ANO3: variants seen among roughly 807,000 people sequenced by gnomAD.
ANO3 encodes anoctamin-3.
In ANO3, 99 loss-of-function variants were observed where a neutral mutation model predicts 144.8. The observed-to-expected ratio is 0.68, with a 90% confidence interval of 0.58 to 0.81. The LOEUF (loss-of-function observed/expected upper bound fraction) is 0.81. Among genes scored for constraint, ANO3 ranks in the 30% least tolerant of loss-of-function variants. The probability of loss-of-function intolerance (pLI) is 0.00; values close to 1 mark genes in which losing one functional copy is unlikely to be tolerated. For synonymous variants in ANO3, 414 were observed against 392.6 expected, an observed-to-expected ratio of 1.05 and a Z score of -0.64; for missense variants, 905 against 1,202.2, an observed-to-expected ratio of 0.75 and a Z score of 3.66.
At chr11:26,366,284 G>C (rs1856081826) in intron 1 of ANO3, among the ~76,000 whole-genome samples, 1 of 152,010 alleles carries the variant, frequency 6.6e-6, no homozygotes, top group African/African-American at 2.4e-5. Context: ...TGAGAATGAT[G>C]GTTTCTGGCT....
chr11:26,496,055 G>C (rs1860924974), intron 4 of ANO3, among the ~76,000 whole-genome samples: 1 of 152,148 alleles, frequency 6.6e-6, no homozygotes, highest in African/African-American at 2.4e-5. Flanking sequence ...CTTTGACCAA[G>C]GTAATGAATA....
intron 14 of ANO3, among the ~76,000 whole-genome samples, chr11:26,583,038 T>C (rs1030147543): frequency 2.0e-5 from 3 of 152,318 alleles, no homozygotes; most frequent in Non-Finnish European, 2.9e-5. Flanking sequence ...AGCAATTCAA[T>C]TGAGAGTATT....
At chr11:26,381,861 G>A (rs940809742) in intron 1 of ANO3, among the ~76,000 whole-genome samples, 1 of 151,940 alleles carries the variant, frequency 6.6e-6, no homozygotes, top group Non-Finnish European at 1.5e-5. Context: ...GCAAAGAATT[G>A]GTATTTTATT....
At chr11:26,507,052 G>A (rs80168757) in intron 4 of ANO3, among the ~76,000 whole-genome samples, 5,474 of 152,254 alleles carry the variant, frequency 0.036, 162 homozygotes, top group Admixed American at 0.082. Flanking sequence ...GGAAAGTGGC[G>A]AAAGAAGGAT....
At chr11:26,189,670 C>A (rs1006282932) in intron 1 of ANO3, among the ~76,000 whole-genome samples, 1 of 152,136 alleles carries the variant, frequency 6.6e-6, no homozygotes, top group African/African-American at 2.4e-5. Context: ...GAATCTTAAC[C>A]ATAAACTGCA....
At chr11:26,538,692 G>A (rs887123156) in intron 10 of ANO3, among the ~76,000 whole-genome samples, 3 of 151,980 alleles carry the variant, frequency 2.0e-5, no homozygotes, top group African/African-American at 7.3e-5. Flanking sequence ...GTGAAATTTG[G>A]GACTTATTAT....
intron 1 of ANO3, among the ~76,000 whole-genome samples, chr11:26,272,928 T>G (rs1853474140): frequency 6.6e-6 from 1 of 152,214 alleles, no homozygotes; most frequent in African/African-American, 2.4e-5. Context: ...TCAGGGTACA[T>G]GCTCGATACT....
intron 14 of ANO3, chr11:26,565,675 T>C (rs746072941): frequency 1.9e-6 from 3 of 1,613,298 alleles, no homozygotes; most frequent in Admixed American, 1.7e-5. Context: ...GAGGTGGTTA[T>C]ATTTTCTTTA....
chr11:26,325,801 A>G (rs1260980066), intron 1 of ANO3, among the ~76,000 whole-genome samples: 1 of 152,204 alleles, frequency 6.6e-6, no homozygotes, highest in Non-Finnish European at 1.5e-5. Flanking sequence ...CATAAAGATT[A>G]TATTTCTGAA....
At chr11:26,567,135 A>G in intron 14 of ANO3, 1 of 1,422,088 alleles carries the variant, frequency 7.0e-7, no homozygotes, top group South Asian at 1.7e-5. Flanking sequence ...GGCTAGTAAC[A>G]GAAGCTGGAA....
chr11:26,630,850 A>G (rs1192531037), intron 18 of ANO3, among the ~76,000 whole-genome samples: 1 of 152,172 alleles, frequency 6.6e-6, no homozygotes, highest in East Asian at 1.9e-4. Flanking sequence ...AAGTTGAATT[A>G]CTTTAATTAT....
chr11:26,340,264 A>G (rs1199526097), intron 1 of ANO3, among the ~76,000 whole-genome samples: 1 of 152,214 alleles, frequency 6.6e-6, no homozygotes, highest in Non-Finnish European at 1.5e-5. Context: ...CCAACCTAAT[A>G]TATTTTATAT....
intron 1 of ANO3, among the ~76,000 whole-genome samples, chr11:26,388,387 T>C (rs985654253): frequency 6.6e-6 from 1 of 152,116 alleles, no homozygotes; most frequent in South Asian, 2.1e-4. Flanking sequence ...GTATGCTTAC[T>C]GTCTTGGCTT....
intron 1 of ANO3, among the ~76,000 whole-genome samples, chr11:26,212,751 A>G (rs1292202967): frequency 6.6e-6 from 1 of 152,108 alleles, no homozygotes; most frequent in Non-Finnish European, 1.5e-5. Context: ...TCTAAACAAT[A>G]GAAAAAGAGG....
At chr11:26,638,029 A>T (rs1373474345) in intron 20 of ANO3, among the ~76,000 whole-genome samples, 1 of 152,066 alleles carries the variant, frequency 6.6e-6, no homozygotes, top group East Asian at 1.9e-4. Context: ...TTGAAAATCT[A>T]AAAAAGCAGA....
intron 14 of ANO3, among the ~76,000 whole-genome samples, chr11:26,584,123 C>G (rs1001043346): frequency 2.0e-5 from 3 of 150,658 alleles, no homozygotes; most frequent in African/African-American, 7.4e-5. Context: ...GAAGGGGCTT[C>G]CCTGGTGAGA....
chr11:26,566,648 G>A (rs1173893972), intron 14 of ANO3, among the ~76,000 whole-genome samples: 1 of 151,788 alleles, frequency 6.6e-6, no homozygotes, highest in Non-Finnish European at 1.5e-5. Flanking sequence ...TATGGTTGGG[G>A]TGTGTGTGGG....
chr11:26,427,234 A>G (rs1341601220), intron 1 of ANO3: 1 of 178,808 alleles, frequency 5.6e-6, no homozygotes, highest in Admixed American at 5.5e-5. Flanking sequence ...TCAGCATGAA[A>G]TTGGAAATCC....
At chr11:26,209,561 A>T (rs1470911969) in intron 1 of ANO3, among the ~76,000 whole-genome samples, 2 of 149,378 alleles carry the variant, frequency 1.3e-5, no homozygotes, top group Non-Finnish European at 3.0e-5. Context: ...TCCTTCAGGA[A>T]TTGCCACACT....
Sources: allele counts gnomAD v4.1 joint callset (sites outside exome capture counted in the v4.1 genomes callset), GRCh38; gene constraint gnomAD v4.1.1; transcripts MANE v1.5; gene names NCBI Gene and HGNC (gene_info 2026-07-23, HGNC 2026-07-21).